The following LYPD6B variants were observed in gnomAD, a reference collection of about 807,000 sequenced individuals.
The protein encoded by LYPD6B is ly6/PLAUR domain-containing protein 6B.
A neutral mutation model predicts 22.8 loss-of-function variants in LYPD6B; 17 were observed. That is an observed-to-expected ratio of 0.75 (90% confidence interval 0.51 to 1.12). LYPD6B has a LOEUF of 1.12. Ranked by LOEUF, LYPD6B falls within the 50% of genes most tolerant of loss-of-function variation. The pLI is 0.00. For synonymous variants in LYPD6B, 106 were observed against 91.6 expected (o/e 1.16, Z -0.90); for missense variants, 221 against 258.3 (o/e 0.86, Z 0.99).
At chr2:149,085,403 A>G (rs1475592800) in intron 1 of LYPD6B, among the ~76,000 whole-genome samples, 3 of 152,238 alleles carry the variant, frequency 2.0e-5, no homozygotes, top group Non-Finnish European at 2.9e-5. Context: ...CCCAAACCCA[A>G]AACTCCAAAG....
intron 1 of LYPD6B, among the ~76,000 whole-genome samples, chr2:149,039,266 GC>G (rs1171308910): frequency 6.6e-6 from 1 of 152,268 alleles, no homozygotes; most frequent in Admixed American, 6.5e-5. Context: ...CGCGCGACCA[GC>G]TTGGGTGCCG....
intron 1 of LYPD6B, among the ~76,000 whole-genome samples, chr2:149,108,025 CTCACCTTGAAT>C (rs1480362214): frequency 1.3e-5 from 2 of 152,160 alleles, no homozygotes; most frequent in Non-Finnish European, 1.5e-5. Flanking sequence ...CCACCCACAT[CTCACCTTGAAT>C]TCCCATGTGT....
chr2:149,129,530 G>A (rs1263728215), intron 1 of LYPD6B, among the ~76,000 whole-genome samples: 3 of 152,222 alleles, frequency 2.0e-5, no homozygotes, highest in Non-Finnish European at 4.4e-5. Context: ...TGACTAATAA[G>A]CTTTGTGGAT....
intron 1 of LYPD6B, among the ~76,000 whole-genome samples, chr2:149,113,942 T>C (rs548918602): frequency 3.3e-5 from 5 of 152,166 alleles, no homozygotes; most frequent in Non-Finnish European, 7.4e-5. Context: ...GCTTGTCCAT[T>C]TCTAAGATGG....
chr2:149,192,818 G>C (rs1692579520), intron 3 of LYPD6B, among the ~76,000 whole-genome samples: 1 of 152,124 alleles, frequency 6.6e-6, no homozygotes, highest in Non-Finnish European at 1.5e-5. Context: ...AAATTGATCT[G>C]CCTCAGAGCC....
At chr2:149,087,353 C>T (rs551333194) in intron 1 of LYPD6B, among the ~76,000 whole-genome samples, 44 of 152,254 alleles carry the variant, frequency 2.9e-4, no homozygotes, top group African/African-American at 1.1e-3. Context: ...TTTTCTTCTG[C>T]AATTTTTTAG....
intron 2 of LYPD6B, among the ~76,000 whole-genome samples, chr2:149,157,360 T>C (rs998027280): frequency 6.6e-6 from 1 of 152,196 alleles, no homozygotes; most frequent in African/African-American, 2.4e-5. Context: ...TAATTCTCTA[T>C]AGTTTTCTAC....
At chr2:149,107,495 A>G (rs553477697) in intron 1 of LYPD6B, among the ~76,000 whole-genome samples, 9 of 152,348 alleles carry the variant, frequency 5.9e-5, no homozygotes, top group Admixed American at 2.6e-4. Flanking sequence ...GGACTACTGC[A>G]TAGATATTTA....
chr2:149,151,607 C>G (rs1204776574), intron 2 of LYPD6B, among the ~76,000 whole-genome samples: 2 of 152,174 alleles, frequency 1.3e-5, no homozygotes, highest in African/African-American at 2.4e-5. Context: ...GATGGATGTC[C>G]TTAGGTGCCA....
chr2:149,172,261 C>T (rs538151360), intron 3 of LYPD6B, among the ~76,000 whole-genome samples: 34 of 152,290 alleles, frequency 2.2e-4, no homozygotes, highest in African/African-American at 7.5e-4. Context: ...GGGATAGCCA[C>T]CCCCGTGATT....
At chr2:149,109,249 G>A (rs893977151) in intron 1 of LYPD6B, among the ~76,000 whole-genome samples, 3 of 152,038 alleles carry the variant, frequency 2.0e-5, no homozygotes, top group African/African-American at 4.8e-5. Flanking sequence ...TGTATCATAC[G>A]TCTGAAAGTC....
intron 2 of LYPD6B, among the ~76,000 whole-genome samples, chr2:149,148,416 G>T (rs1283279641): frequency 6.6e-6 from 1 of 152,198 alleles, no homozygotes; most frequent in Non-Finnish European, 1.5e-5. Context: ...TGTTGGGGGA[G>T]CAGAGGGCAA....
chr2:149,113,884 T>A (rs1213129974), intron 1 of LYPD6B, among the ~76,000 whole-genome samples: 1 of 152,226 alleles, frequency 6.6e-6, no homozygotes, highest in Non-Finnish European at 1.5e-5. Flanking sequence ...TAAGTGCCTT[T>A]GCTATGTAAG....
chr2:149,177,695 T>C lies in LYPD6B; in HGVS notation c.77+16860T>C, dbSNP rs1475224954. Among the ~76,000 whole-genome samples the C allele has an allele frequency of 3.3e-5, 5 of 152,310 alleles. No homozygotes were observed. In the East Asian group the frequency reaches 9.6e-4, roughly 29 times the overall value. ...AGGTGCTTCTTCATTATCCCTTCCA[T>C]GCAATGAGCAACTTTAGCAGGCGAT... On this transcript the variant is annotated intron_variant, in intron 3 of 6. Coordinates refer to ENST00000409642, the MANE Select transcript of LYPD6B (RefSeq NM_177964.5).
intron 3 of LYPD6B, among the ~76,000 whole-genome samples, chr2:149,183,756 G>A (rs546678781): frequency 6.6e-6 from 1 of 151,994 alleles, no homozygotes; most frequent in South Asian, 2.1e-4. Context: ...TTTATTTCTA[G>A]TTCCTCATAT....
chr2:149,149,147 G>A (rs899775633), intron 2 of LYPD6B, among the ~76,000 whole-genome samples: 2 of 151,952 alleles, frequency 1.3e-5, no homozygotes, highest in Non-Finnish European at 2.9e-5. Context: ...AGTTCTATTA[G>A]GTTGATGAAA....
At chr2:149,124,530 G>C (rs1160590341) in intron 1 of LYPD6B, among the ~76,000 whole-genome samples, 1 of 152,046 alleles carries the variant, frequency 6.6e-6, no homozygotes, top group African/African-American at 2.4e-5. Context: ...TCTCAACTAG[G>C]GTTGTCCTCA....
At chr2:149,048,989 C>T (rs1397931659) in intron 1 of LYPD6B, among the ~76,000 whole-genome samples, 1 of 152,112 alleles carries the variant, frequency 6.6e-6, no homozygotes, top group African/African-American at 2.4e-5. Context: ...TTTATAAGCT[C>T]CCCAGGTGAG....
At chr2:149,141,301 A>T (rs908911161) in intron 2 of LYPD6B, among the ~76,000 whole-genome samples, 1 of 152,188 alleles carries the variant, frequency 6.6e-6, no homozygotes, top group Non-Finnish European at 1.5e-5. Flanking sequence ...CAGGGCCACA[A>T]TTGTACTTGG....
Sources: allele counts gnomAD v4.1 joint callset (sites outside exome capture counted in the v4.1 genomes callset), GRCh38; gene constraint gnomAD v4.1.1; transcripts MANE v1.5; gene names NCBI Gene and HGNC (gene_info 2026-07-23, HGNC 2026-07-21).